DCK: variants seen among roughly 807,000 people sequenced by gnomAD.
DCK encodes the protein deoxycytidine kinase, also known as deoxyadenosine kinase.
A neutral mutation model predicts 38.3 loss-of-function variants in DCK; 23 were observed. The observed-to-expected ratio is 0.60, with a 90% confidence interval of 0.43 to 0.85. The LOEUF is 0.85. Among genes scored for constraint, DCK ranks in the 40% least tolerant of loss-of-function variants. DCK has a pLI of 0.00. For missense variants in DCK, 259 were observed against 304.4 expected (o/e 0.85, Z 1.11); for synonymous variants, 108 against 100.6 (o/e 1.07, Z -0.44).
Position 71,011,235 on chromosome 4 carries a change from T to C in DCK, c.208-11132T>C, listed in dbSNP as rs1407902545. Reference sequence around the variant, plus strand: ...TGGGATTACAGGTGTGAGGTCTCTTTTTTTTTTTTTTTTTTTTTTTTAAGA... The same window carrying C: ...TGGGATTACAGGTGTGAGGTCTCTTCTTTTTTTTTTTTTTTTTTTTTAAGA... On this transcript the variant is annotated intron_variant, in intron 2 of 6. Transcript: ENST00000286648. Among the ~76,000 whole-genome samples, 414 of 141,830 alleles carry C rather than the reference T, an allele frequency of 2.9e-3. 2 individuals carry two copies. Among genetic ancestry groups the C allele is most frequent in the African/African-American group, 0.011 (399 of 36,812 alleles). 93.0% of individuals were successfully genotyped at this position (141,830 alleles called of 152,430 possible). A position where few individuals can be genotyped will look rare whatever the true frequency, so the allele number is the denominator to read the frequency against.
At chr4:71,002,520 T>C (rs1403001052) in intron 2 of DCK, among the ~76,000 whole-genome samples, 3 of 152,192 alleles carry the variant, frequency 2.0e-5, no homozygotes, top group Admixed American at 6.5e-5. Context: ...AATATCCTTG[T>C]TAATTTTCTG....
chr4:71,008,973 G>A (rs991772084), intron 2 of DCK, among the ~76,000 whole-genome samples: 4 of 152,206 alleles, frequency 2.6e-5, no homozygotes, highest in African/African-American at 9.6e-5. Context: ...GGAAGGGTAG[G>A]AGGAGGGGAA....
intron 2 of DCK, among the ~76,000 whole-genome samples, chr4:71,014,275 C>T (rs1049178864): frequency 3.9e-5 from 6 of 152,138 alleles, no homozygotes; most frequent in Admixed American, 6.5e-5. Flanking sequence ...AAAGCAAGTC[C>T]TTAGAGACCT....
At chr4:71,022,592 G>C in intron 3 of DCK, 32 bp downstream of exon 3, 1 of 1,244,776 alleles carries the variant, frequency 8.0e-7, no homozygotes, top group Non-Finnish European at 1.0e-6. Flanking sequence ...GTGGCCATTT[G>C]AAGTTTTTAT....
At chr4:71,017,636 A>G (rs923656189) in intron 2 of DCK, among the ~76,000 whole-genome samples, 14 of 152,022 alleles carry the variant, frequency 9.2e-5, no homozygotes, top group African/African-American at 3.4e-4. Context: ...GTAGGGACAT[A>G]GATGAAGCTG....
At chr4:71,004,924 C>T (rs1739902594) in intron 2 of DCK, among the ~76,000 whole-genome samples, 1 of 152,050 alleles carries the variant, frequency 6.6e-6, no homozygotes, top group African/African-American at 2.4e-5. Flanking sequence ...CTGAGCAAGA[C>T]CACTTGGCTC....
At chr4:71,010,237 A>G (rs1438774728) in intron 2 of DCK, among the ~76,000 whole-genome samples, 1 of 149,890 alleles carries the variant, frequency 6.7e-6, no homozygotes, top group Non-Finnish European at 1.5e-5. Flanking sequence ...GGTACTCCTA[A>G]TTTTGGCAAA....
intron 2 of DCK, among the ~76,000 whole-genome samples, chr4:70,999,781 A>G (rs1481260722): frequency 1.3e-5 from 2 of 152,008 alleles, no homozygotes; most frequent in Non-Finnish European, 2.9e-5. Flanking sequence ...GGTGATGATG[A>G]GCTTTTTTTC....
intron 2 of DCK, among the ~76,000 whole-genome samples, chr4:71,004,576 G>C (rs899805495): frequency 6.6e-6 from 1 of 152,234 alleles, no homozygotes; most frequent in African/African-American, 2.4e-5. Context: ...CCTTCCCCCA[G>C]ATGCTCTGTC....
At chr4:71,025,758 G>A in intron 4 of DCK, 58 bp from the exon 5 acceptor site, 1 of 1,511,340 alleles carries the variant, frequency 6.6e-7, no homozygotes, top group African/African-American at 1.4e-5. Context: ...TTTGATGGCA[G>A]CAGACAAGAA....
chr4:71,023,580 G>A lies in DCK; in HGVS notation c.423G>A (p.Leu141=). The A allele has an allele frequency of 6.3e-7, 1 of 1,599,176 alleles. No individual in the cohort carries two copies. The highest frequency in any genetic ancestry group is 2.2e-5 in the East Asian group (1 of 44,502). The change falls in exon 4 of 7, where the codon TTG becomes TTA. Residue 141 remains leucine (L), a synonymous_variant. Transcript: ENST00000286648. The part of the protein sequence containing the change: ...YSDRYIFASN[L]YESECMNETE... ...TTAGGTATATTTTTGCATCTAATTT[G>A]TATGAATCTGAATGCATGAATGAGA...
intron 4 of DCK, among the ~76,000 whole-genome samples, chr4:71,024,787 C>T (rs781749091): frequency 2.9e-4 from 44 of 152,026 alleles, no homozygotes; most frequent in Non-Finnish European, 5.7e-4. Flanking sequence ...TGAATAATTT[C>T]ATTTTGCTTG....
intron 2 of DCK, among the ~76,000 whole-genome samples, chr4:71,016,515 G>A (rs1182751727): frequency 3.4e-4 from 52 of 152,164 alleles, no homozygotes; most frequent in East Asian, 5.8e-4. Context: ...GAGGCATCAC[G>A]CTACCTGACT....
At position 71,025,898 on chromosome 4, in the gene DCK, A is replaced by G; in HGVS notation, c.632A>G (p.Lys211Arg). 1 of 1,610,706 alleles carries G rather than the reference A, an allele frequency of 6.2e-7. No homozygotes were observed. Residue 211 changes from lysine to arginine, a missense_variant, in exon 5 of 7, where the codon AAA becomes AGA. Coordinates refer to ENST00000286648, the MANE Select transcript of DCK (RefSeq NM_000788.3). ...GAATATTTAGAGAAGCTTCATTATA[A>G]ACATGAAAGCTGGCTCCTGCATAGG... ...PLEYLEKLHY[K>R]HESWLLHRTL... is the part of the protein sequence containing the mutation.
At chr4:71,014,357 G>C (rs181247754) in intron 2 of DCK, among the ~76,000 whole-genome samples, 16 of 152,054 alleles carry the variant, frequency 1.1e-4, no homozygotes, top group African/African-American at 3.6e-4. Context: ...TTAGACAGAT[G>C]AACGAGACAG....
chr4:70,997,713 AAG>A (rs1281218779), intron 1 of DCK, among the ~76,000 whole-genome samples: 1 of 152,182 alleles, frequency 6.6e-6, no homozygotes, highest in African/African-American at 2.4e-5. Flanking sequence ...CACACAGGGA[AAG>A]AGAGAGAACA....
chr4:70,995,957 G>A (rs966927169), intron 1 of DCK, among the ~76,000 whole-genome samples: 2 of 152,128 alleles, frequency 1.3e-5, no homozygotes, highest in African/African-American at 2.4e-5. Flanking sequence ...TGTAATCCCA[G>A]TGCTTTGGGA....
intron 2 of DCK, among the ~76,000 whole-genome samples, chr4:71,000,804 A>G (rs1028948839): frequency 1.6e-4 from 25 of 152,156 alleles, no homozygotes; most frequent in African/African-American, 6.0e-4. Flanking sequence ...GAATTCACTC[A>G]TGATTTGGTT....
chr4:71,003,609 CT>C (rs1739865918), intron 2 of DCK, among the ~76,000 whole-genome samples: 1 of 152,176 alleles, frequency 6.6e-6, no homozygotes, highest in South Asian at 2.1e-4. Flanking sequence ...TAGGTTTGGT[CT>C]TTTCACATAG....
Sources: gnomAD v4.1 joint callset for allele counts (sites outside exome capture counted in the v4.1 genomes callset) on GRCh38, gnomAD v4.1.1 for gene constraint, MANE v1.5 for transcripts, NCBI Gene and HGNC (gene_info 2026-07-23, HGNC 2026-07-21) for gene names.